Variants in MTFMT observed in about 807,000 individuals in gnomAD.
MTFMT encodes mitochondrial methionyl-tRNA formyltransferase, also known as methionyl-tRNA formyltransferase, mitochondrial.
MTFMT carries 47 observed loss-of-function variants against 51.8 expected under a neutral mutation model. The ratio of observed to expected loss-of-function variants is 0.91; its 90% CI spans 0.72 to 1.16. The LOEUF (loss-of-function observed/expected upper bound fraction) is 1.16, where lower values mean the gene tolerates loss of function less well. Among genes scored for constraint, MTFMT ranks in the 50% most tolerant of loss-of-function variants. The pLI is 0.00. For synonymous variants in MTFMT, 196 were observed against 176.7 expected, an observed-to-expected ratio of 1.11 and a Z score of -0.87; for missense variants, 512 against 482.3, an observed-to-expected ratio of 1.06 and a Z score of -0.58.
chr15:65,019,877 C>T lies in MTFMT; in HGVS notation c.721+320G>A, dbSNP rs113643552. On this transcript the variant is annotated intron_variant, in intron 5 of 8. Transcript: ENST00000220058. Reference sequence around the variant, plus strand: ...ATGAATAAGCAGAATTTAAAATACACGTAATAAATACATAAAGAGAAAGAA... The same window carrying T: ...ATGAATAAGCAGAATTTAAAATACATGTAATAAATACATAAAGAGAAAGAA... 7.8e-3 allele frequency among the ~76,000 whole-genome samples: 1,191 copies of T among 152,102 alleles called. 7 individuals carry two copies. The highest frequency in any genetic ancestry group is 0.02 in the South Asian group (97 of 4,824).
rs746446207 is a variant in MTFMT at position 65,004,907 on chromosome 15, G to A, written c.922C>T (p.Pro308Ser). 12 of 1,611,850 alleles carry A rather than the reference G, an allele frequency of 7.4e-6. No individual in the cohort carries two copies. Among genetic ancestry groups the A allele is most frequent in the Admixed American group, 1.7e-5 (1 of 59,930 alleles). The change falls in exon 8 of 9, where the codon CCA becomes TCA. Residue 308 changes from proline to serine, a missense_variant. Pro to Ser is a moderately conservative substitution (Grantham distance 74, BLOSUM62 -1). Coordinates refer to ENST00000220058, the MANE Select transcript of MTFMT (RefSeq NM_139242.4). Reference protein sequence around the residue: ...DPKLTGQALIPGSVIYHKQSQ... With the variant: ...DPKLTGQALISGSVIYHKQSQ... ...TGTTTGTGGTATATTACTGATCCTGGAATAAGAGCCTGTCCCGTTAATTTT... is the reference window on the plus strand; with the variant it reads ...TGTTTGTGGTATATTACTGATCCTGAAATAAGAGCCTGTCCCGTTAATTTT...
chr15:65,023,923 A>T, intron 2 of MTFMT, 129 bp from the exon 3 acceptor site: 1 of 760,110 alleles, frequency 1.3e-6, no homozygotes, highest in Non-Finnish European at 2.0e-6. Context: ...AGTTAAATCT[A>T]AGTCTCGTAT....
At chr15:65,022,989 C>T (rs1410169048) in intron 3 of MTFMT, among the ~76,000 whole-genome samples, 1 of 152,088 alleles carries the variant, frequency 6.6e-6, no homozygotes, top group Non-Finnish European at 1.5e-5. Context: ...ATGCCTGGCT[C>T]AGATTTTAGA....
chr15:65,026,656 C>T (rs1290125309), intron 2 of MTFMT, 175 bp downstream of exon 2: 1 of 623,652 alleles, frequency 1.6e-6, no homozygotes, highest in South Asian at 2.3e-5. Flanking sequence ...GTTACCTGAA[C>T]CTGGCAGAGA....
chr15:65,014,287 T>C (rs960801147), intron 6 of MTFMT, among the ~76,000 whole-genome samples: 1 of 152,070 alleles, frequency 6.6e-6, no homozygotes, highest in Non-Finnish European at 1.5e-5. Context: ...ATGATCCTAT[T>C]TTTATTTTCA....
At chr15:65,005,537 A>C (rs754595460) in intron 7 of MTFMT, among the ~76,000 whole-genome samples, 7 of 151,978 alleles carry the variant, frequency 4.6e-5, no homozygotes, top group Non-Finnish European at 8.8e-5. Context: ...TGAAAACCTT[A>C]AGGCAGGAAA....
chr15:65,023,853 A>G, intron 2 of MTFMT, 59 bp from the exon 3 acceptor site: 1 of 1,436,456 alleles, frequency 7.0e-7, no homozygotes, highest in Non-Finnish European at 9.3e-7. Context: ...CGTTACCACT[A>G]CCTAAGCTAT....
At chr15:65,024,101 C>T (rs914589795) in intron 2 of MTFMT, among the ~76,000 whole-genome samples, 3 of 151,890 alleles carry the variant, frequency 2.0e-5, no homozygotes, top group Non-Finnish European at 4.4e-5. Flanking sequence ...CCGAGGCGGG[C>T]GGATCACTTG....
intron 5 of MTFMT, among the ~76,000 whole-genome samples, chr15:65,019,631 A>G (rs529613790): frequency 6.6e-6 from 1 of 152,046 alleles, no homozygotes; most frequent in South Asian, 2.1e-4. Flanking sequence ...TGACATAGAG[A>G]GAGGAAAAAA....
At chr15:65,005,796 C>T (rs897335021) in intron 7 of MTFMT, among the ~76,000 whole-genome samples, 4 of 151,988 alleles carry the variant, frequency 2.6e-5, no homozygotes, top group African/African-American at 9.7e-5. Context: ...TTAGTAGAGA[C>T]GGGGCTTCAC....
Position 65,028,356 on chromosome 15 carries a change from A to G in MTFMT, c.209+1049T>C, listed in dbSNP as rs370754546. Among the ~76,000 whole-genome samples, 13 of 152,222 alleles carry G rather than the reference A, an allele frequency of 8.5e-5. No homozygotes were observed. The East Asian group carries it at 2.5e-3, about 29-fold the overall frequency. ...GCTTGATCTTTGAGGTCGAGGCTGCAGTGAGCTATGAGCCGGCCACTGCAC... is the reference window on the plus strand; with the variant it reads ...GCTTGATCTTTGAGGTCGAGGCTGCGGTGAGCTATGAGCCGGCCACTGCAC... On this transcript the variant is annotated intron_variant, in intron 1 of 8. Transcript: ENST00000220058.
intron 6 of MTFMT, among the ~76,000 whole-genome samples, chr15:65,013,684 C>T (rs986589044): frequency 6.6e-6 from 1 of 152,128 alleles, no homozygotes; most frequent in Non-Finnish European, 1.5e-5. Flanking sequence ...TGGCTCACAC[C>T]TGTAATGCCA....
intron 5 of MTFMT, among the ~76,000 whole-genome samples, chr15:65,017,809 A>G (rs1379607865): frequency 6.6e-6 from 1 of 152,100 alleles, no homozygotes; most frequent in South Asian, 2.1e-4. Flanking sequence ...AAAAAGAAAG[A>G]AGGAGGAAAA....
At chr15:65,004,205 C>T (rs570382794) in intron 8 of MTFMT, among the ~76,000 whole-genome samples, 4 of 151,908 alleles carry the variant, frequency 2.6e-5, no homozygotes, top group African/African-American at 9.7e-5. Context: ...TTAGTAAAGA[C>T]GGGGTTTCTC....
chr15:65,013,280 T>G (rs2086285732), intron 6 of MTFMT, among the ~76,000 whole-genome samples: 1 of 114,212 alleles, frequency 8.8e-6, no homozygotes, highest in African/African-American at 3.7e-5. Flanking sequence ...TTTCTTTCTT[T>G]CTTCTTCTTT....
intron 6 of MTFMT, among the ~76,000 whole-genome samples, chr15:65,006,644 G>A (rs982291252): frequency 2.6e-5 from 4 of 152,020 alleles, no homozygotes; most frequent in Non-Finnish European, 4.4e-5. Flanking sequence ...CCAAAGTGCT[G>A]GGATTACAGG....
intron 5 of MTFMT, among the ~76,000 whole-genome samples, chr15:65,018,531 T>C (rs1037523516): frequency 6.6e-6 from 1 of 152,340 alleles, no homozygotes; most frequent in Admixed American, 6.5e-5. Flanking sequence ...AGTCCACTGA[T>C]ACCTTATCTT....
rs2086209124 is a variant in MTFMT at position 65,004,900 on chromosome 15, G to A, written c.929C>T (p.Ser310Leu). The A allele has an allele frequency of 1.9e-6, 3 of 1,611,774 alleles. No individual in the cohort carries two copies. The highest frequency in any genetic ancestry group is 2.5e-6 in the Non-Finnish European group (3 of 1,178,408). The change falls in exon 8 of 9, where the codon TCA (serine) becomes TTA (leucine). Residue 310 changes from serine (S) to leucine (L), a missense_variant. Coordinates refer to ENST00000220058, the MANE Select transcript of MTFMT (RefSeq NM_139242.4). ...TTGTGACTGTTTGTGGTATATTACTGATCCTGGAATAAGAGCCTGTCCCGT... is the reference window on the plus strand; with the variant it reads ...TTGTGACTGTTTGTGGTATATTACTAATCCTGGAATAAGAGCCTGTCCCGT... ...KLTGQALIPGSVIYHKQSQIL... is the reference protein window; with the variant it reads ...KLTGQALIPGLVIYHKQSQIL...
At chr15:65,003,845 CAAAAA>C (rs768884218) in intron 8 of MTFMT, among the ~76,000 whole-genome samples, 17 of 40,646 alleles carry the variant, frequency 4.2e-4, no homozygotes, top group South Asian at 1.3e-3. Context: ...AACTCCATCT[CAAAAA>C]AAAAAAAAAA....
Sources: gnomAD v4.1 joint callset for allele counts (sites outside exome capture counted in the v4.1 genomes callset) on GRCh38, gnomAD v4.1.1 for gene constraint, MANE v1.5 for transcripts, NCBI Gene and HGNC (gene_info 2026-07-23, HGNC 2026-07-21) for gene names.